The following IKBKB variants were observed in gnomAD, a reference collection of about 807,000 sequenced individuals.
IKBKB encodes the protein inhibitor of nuclear factor kappa B kinase subunit beta.
IKBKB carries 42 observed loss-of-function variants against 113.6 expected under a neutral mutation model. That is an observed-to-expected ratio of 0.37 (90% confidence interval 0.29 to 0.48). The LOEUF is 0.48. Ranked by LOEUF, IKBKB falls within the 20% of genes least tolerant of loss-of-function variation. IKBKB has a pLI of 0.99. For missense variants in IKBKB, 673 were observed against 939.7 expected (o/e 0.72, Z 3.71); for synonymous variants, 296 against 361.3 (o/e 0.82, Z 2.05).
intron 12 of IKBKB, 119 bp from the exon 13 acceptor site, chr8:42,318,433 A>T (rs1428554774): frequency 8.8e-7 from 1 of 1,137,134 alleles, no homozygotes; most frequent in East Asian, 2.4e-5. Context: ...CCAAAGTTAC[A>T]TGATCCTATA....
intron 7 of IKBKB, among the ~76,000 whole-genome samples, chr8:42,307,332 T>C (rs542307283): frequency 6.6e-6 from 1 of 152,142 alleles, no homozygotes; most frequent in Non-Finnish European, 1.5e-5. Flanking sequence ...GCACAGATTA[T>C]GAAGGGCCTT....
intron 2 of IKBKB, among the ~76,000 whole-genome samples, chr8:42,274,802 G>A (rs866973255): frequency 4.2e-4 from 10 of 23,892 alleles, no homozygotes; most frequent in Admixed American, 7.1e-4. Context: ...CCCCCCCCCC[G>A]CCATCCCAGC....
At chr8:42,272,547 T>G (rs1260885887) in intron 2 of IKBKB, 2 of 389,048 alleles carry the variant, frequency 5.1e-6, no homozygotes, top group African/African-American at 2.1e-5. Context: ...AGGATGAGAC[T>G]AAATAAATAA....
chr8:42,326,674 T>C (rs1305154021), intron 20 of IKBKB, among the ~76,000 whole-genome samples: 3 of 152,130 alleles, frequency 2.0e-5, no homozygotes, highest in Non-Finnish European at 4.4e-5. Context: ...CTCCCTCCAT[T>C]ATAGATGCTC....
In IKBKB at chr8:42,306,364, C is replaced by T; in HGVS notation, c.499C>T (p.Leu167=). ...TTAGTTAATACACAAAATTATTGAC[C>T]TAGGATATGCCAAGGAGCTGGATCA... The part of the protein sequence containing the change: ...EQRLIHKIID[L]GYAKELDQGS... Residue 167 remains leucine, a synonymous_variant, in exon 7 of 22, where the codon CTA becomes TTA. Transcript: ENST00000520810. 4 of 1,611,544 alleles carry T rather than the reference C, an allele frequency of 2.5e-6. No individual in the cohort carries two copies. The highest frequency in any genetic ancestry group is 3.4e-6 in the Non-Finnish European group (4 of 1,177,750).
intron 5 of IKBKB, among the ~76,000 whole-genome samples, chr8:42,296,493 A>G (rs1481750100): frequency 6.6e-6 from 1 of 152,164 alleles, no homozygotes; most frequent in East Asian, 1.9e-4. Context: ...CCAAAAAACT[A>G]AAAACTAAAT....
At chr8:42,314,735 A>G (rs1818353664) in intron 9 of IKBKB, among the ~76,000 whole-genome samples, 1 of 151,628 alleles carries the variant, frequency 6.6e-6, no homozygotes, top group Non-Finnish European at 1.5e-5. Context: ...AGATCGTGCC[A>G]CTGTACTGCA....
Position 42,308,959 on chromosome 8 carries a change from G to A in IKBKB, c.626G>A (p.Gly209Asp). 1 of 1,614,190 alleles carries A rather than the reference G, an allele frequency of 6.2e-7. No homozygotes were observed. The highest frequency in any genetic ancestry group is 8.5e-7 in the Non-Finnish European group (1 of 1,180,014). The change falls in exon 8 of 22, where the codon GGC becomes GAC. Residue 209 changes from glycine (G) to aspartate (D), a missense_variant. This residue lies in a region of IKBKB where 167 missense variants were observed against 301.0 expected (regional missense o/e 0.55). Coordinates refer to ENST00000520810, the MANE Select transcript of IKBKB (RefSeq NM_001556.3). Reference protein sequence around the residue: ...YTVTVDYWSFGTLAFECITGF... With the variant: ...YTVTVDYWSFDTLAFECITGF... Reference sequence around the variant, plus strand: ...GTGACCGTCGACTACTGGAGCTTCGGCACCCTGGCCTTTGAGTGCATCACG... The same window carrying A: ...GTGACCGTCGACTACTGGAGCTTCGACACCCTGGCCTTTGAGTGCATCACG...
At chr8:42,273,062 GTGC>G (rs1272557450) in intron 2 of IKBKB, among the ~76,000 whole-genome samples, 1 of 151,708 alleles carries the variant, frequency 6.6e-6, no homozygotes, top group Non-Finnish European at 1.5e-5. Flanking sequence ...AGCTATGATT[GTGC>G]CACTGCACTC....
chr8:42,286,984 G>A (rs1811540187), intron 2 of IKBKB, among the ~76,000 whole-genome samples: 1 of 152,202 alleles, frequency 6.6e-6, no homozygotes. Flanking sequence ...AGCTTGTTTA[G>A]CAGTGGCAGG....
At chr8:42,275,299 T>C (rs1468665824) in intron 2 of IKBKB, among the ~76,000 whole-genome samples, 4 of 151,480 alleles carry the variant, frequency 2.6e-5, no homozygotes, top group Non-Finnish European at 5.9e-5. Flanking sequence ...ATGATCCTTC[T>C]GCCTCGGCCT....
At chr8:42,275,385 C>T (rs577451941) in intron 2 of IKBKB, among the ~76,000 whole-genome samples, 1 of 151,778 alleles carries the variant, frequency 6.6e-6, no homozygotes, top group African/African-American at 2.4e-5. Flanking sequence ...GGAGGTCTGT[C>T]TGTTGCCCAG....
In IKBKB at chr8:42,331,049, C is replaced by T; in HGVS notation, c.*70C>T. ...CCTTGTGCAGTGGGGGGACTCGACC[C>T]CCTGACATGGGGCTGCCTGGAGCAG... On this transcript the variant is annotated 3_prime_UTR_variant, in exon 22 of 22. Coordinates refer to ENST00000520810, the MANE Select transcript of IKBKB (RefSeq NM_001556.3). The T allele has an allele frequency of 1.3e-6, 2 of 1,591,948 alleles. No homozygotes were observed. The highest frequency in any genetic ancestry group is 2.2e-5 in the South Asian group (2 of 89,854).
At chr8:42,322,702 T>C (rs1819991650) in intron 19 of IKBKB, among the ~76,000 whole-genome samples, 1 of 152,230 alleles carries the variant, frequency 6.6e-6, no homozygotes, top group South Asian at 2.1e-4. Context: ...CATTCATCTG[T>C]GTATTACTTT....
chr8:42,293,547 T>C, intron 5 of IKBKB, 35 bp downstream of exon 5: 2 of 1,614,054 alleles, frequency 1.2e-6, no homozygotes, highest in Non-Finnish European at 1.7e-6. Flanking sequence ...GCCGTGTCCT[T>C]CAGGGAGAGT....
intron 9 of IKBKB, among the ~76,000 whole-genome samples, chr8:42,315,542 T>G (rs1818522934): frequency 6.6e-6 from 1 of 152,126 alleles, no homozygotes; most frequent in South Asian, 2.1e-4. Flanking sequence ...GTTTGGAGTT[T>G]GTCATGTGAA....
intron 15 of IKBKB, chr8:42,319,936 G>A (rs12678261): frequency 0.019 from 6,868 of 354,794 alleles, 299 homozygotes; most frequent in South Asian, 0.14. Context: ...TTTCCTGTTA[G>A]GAAGGGCATT....
chr8:42,290,621 G>A (rs17875681), intron 4 of IKBKB, among the ~76,000 whole-genome samples: 4,633 of 152,314 alleles, frequency 0.03, 203 homozygotes, highest in African/African-American at 0.099. Context: ...TTAGGGCCAC[G>A]TTAGGCCTTT....
intron 5 of IKBKB, chr8:42,298,520 C>T: frequency 7.2e-6 from 7 of 974,120 alleles, no homozygotes; most frequent in Non-Finnish European, 8.5e-6. Context: ...GATCTTCTGA[C>T]TGGTTCCATT....
Sources: allele counts gnomAD v4.1 joint callset (sites outside exome capture counted in the v4.1 genomes callset), GRCh38; gene constraint gnomAD v4.1.1; regional missense constraint gnomAD v4.1.1; transcripts MANE v1.5; gene names NCBI Gene and HGNC (gene_info 2026-07-23, HGNC 2026-07-21).